Variants in TRPV4 observed in about 807,000 individuals in gnomAD.
The protein encoded by TRPV4 is transient receptor potential cation channel subfamily V member 4.
Under a neutral mutation model 84.1 loss-of-function variants are expected in TRPV4, and 58 were observed. The observed-to-expected ratio is 0.69, with a 90% CI of 0.56 to 0.86. The LOEUF (loss-of-function observed/expected upper bound fraction) is 0.86, where lower values mean the gene tolerates loss of function less well. TRPV4 is among the 40% of genes least tolerant of loss of function. The pLI is 0.00. For missense variants in TRPV4, 879 were observed against 1,181.1 expected, an observed-to-expected ratio of 0.74 and a Z score of 3.75; for synonymous variants, 489 against 500.9, an observed-to-expected ratio of 0.98 and a Z score of 0.32.
At position 109,796,727 on chromosome 12, in the gene TRPV4, C is replaced by A; in HGVS notation, c.1153-23G>T. ...GATCTGCACAGGGGGCCAGGAGGGT[C>A]AGGGGGCTCACACTGGAAAGACCCC... is the stretch of plus-strand genomic sequence containing the variant. On this transcript the variant is annotated intron_variant, in intron 6 of 15. Coordinates refer to ENST00000261740, the MANE Select transcript of TRPV4 (RefSeq NM_021625.5). This position sits in a 1 kb window ranked among gnomAD's most constrained non-coding sequence, Gnocchi z 4.2. The A allele has an allele frequency of 6.3e-7, 1 of 1,596,846 alleles. No individual in the cohort carries two copies. Among genetic ancestry groups the A allele is most frequent in the Non-Finnish European group, 8.5e-7 (1 of 1,169,652 alleles).
chr12:109,791,114 G>A (rs1173390820), intron 12 of TRPV4, among the ~76,000 whole-genome samples: 1 of 152,166 alleles, frequency 6.6e-6, no homozygotes, highest in African/African-American at 2.4e-5. Context: ...CTGGTACAGT[G>A]GCTCACGCCT....
rs751269956 is a variant in TRPV4 at position 109,794,437 on chromosome 12, G to A, written c.1383C>T (p.Asp461=). ...AVEPINELLR[D]KWRKFGAVSF... The stretch of plus-strand genomic sequence containing the variant: ...AGACGGCCCCGAACTTGCGCCACTT[G>A]TCCCGCAGCAGTTCATTGATGGGCT... The change falls in exon 8 of 16, where the codon GAC becomes GAT. Residue 461 remains aspartate (D), a synonymous_variant. Coordinates refer to ENST00000261740, the MANE Select transcript of TRPV4 (RefSeq NM_021625.5). 6.2e-7 allele frequency: 1 copy of A among 1,614,076 alleles called. No individual in the cohort carries two copies. The highest frequency in any genetic ancestry group is 1.1e-5 in the South Asian group (1 of 91,088).
chr12:109,811,053 G>T (rs1021608534), intron 2 of TRPV4, among the ~76,000 whole-genome samples: 2 of 152,088 alleles, frequency 1.3e-5, no homozygotes, highest in East Asian at 3.9e-4. Flanking sequence ...TTAGGCCCTT[G>T]CACTCACACT....
At chr12:109,802,293 C>CT (rs1890835805) in intron 4 of TRPV4, among the ~76,000 whole-genome samples, 1 of 149,626 alleles carries the variant, frequency 6.7e-6, no homozygotes, top group South Asian at 2.1e-4. Flanking sequence ...ACAAGCCTGG[C>CT]TTTTTTTGCA....
intron 13 of TRPV4, among the ~76,000 whole-genome samples, chr12:109,787,423 G>T (rs1276118794): frequency 1.3e-5 from 2 of 152,090 alleles, no homozygotes; most frequent in African/African-American, 2.4e-5. Context: ...TGGGCAACAT[G>T]GTGAAACCCC....
chr12:109,815,633 C>T lies in TRPV4; in HGVS notation c.-31-806G>A, dbSNP rs548384225. Reference sequence around the variant, plus strand: ...TGGAAAGCCCTCCCTGGCCTGCACACACTCGCTCCCAGGATCCATGCTCCT... The same window carrying T: ...TGGAAAGCCCTCCCTGGCCTGCACATACTCGCTCCCAGGATCCATGCTCCT... On this transcript the variant is annotated intron_variant, in intron 1 of 15. Transcript: ENST00000261740. The surrounding 1 kb of genome is among the most constrained non-coding windows in gnomAD (Gnocchi z 4.1). Among the ~76,000 whole-genome samples the T allele has an allele frequency of 6.6e-6, 1 of 152,338 alleles. No individual in the cohort carries two copies. The highest frequency in any genetic ancestry group is 2.1e-4 in the South Asian group (1 of 4,834).
intron 1 of TRPV4, among the ~76,000 whole-genome samples, chr12:109,823,281 C>T (rs1036578536): frequency 6.6e-6 from 1 of 152,228 alleles, no homozygotes. Context: ...CCCCAGTGTC[C>T]TGCTGGGCCC....
intron 2 of TRPV4, among the ~76,000 whole-genome samples, chr12:109,808,975 C>A (rs996276238): frequency 1.3e-5 from 2 of 151,036 alleles, no homozygotes; most frequent in Non-Finnish European, 3.0e-5. Context: ...ATCCATCTAC[C>A]CATCCACTCA....
chr12:109,829,396 T>C (rs1892350946), intron 1 of TRPV4, among the ~76,000 whole-genome samples: 2 of 152,168 alleles, frequency 1.3e-5, no homozygotes, highest in Admixed American at 1.3e-4. Flanking sequence ...TTTTTAAGCA[T>C]TAAATCAGGA....
chr12:109,830,012 C>T (rs1892368930), intron 1 of TRPV4, among the ~76,000 whole-genome samples: 1 of 152,228 alleles, frequency 6.6e-6, no homozygotes, highest in Admixed American at 6.5e-5. Flanking sequence ...GACAGAGTTT[C>T]ACCATGTTGC....
At chr12:109,828,225 A>G (rs756889546) in intron 1 of TRPV4, among the ~76,000 whole-genome samples, 3 of 152,188 alleles carry the variant, frequency 2.0e-5, no homozygotes, top group Non-Finnish European at 4.4e-5. Context: ...GAGACCGGCA[A>G]GGGCTTCCTG....
chr12:109,826,247 T>C (rs1390603010), intron 1 of TRPV4, among the ~76,000 whole-genome samples: 1 of 152,206 alleles, frequency 6.6e-6, no homozygotes, highest in Non-Finnish European at 1.5e-5. Flanking sequence ...TAGTCTCCAA[T>C]GCCCGGGCTC....
rs1389419414 is a variant in TRPV4, at chr12:109,815,075, G to A, written c.-31-248C>T. Among the ~76,000 whole-genome samples, 4 of 152,200 alleles carry A rather than the reference G, an allele frequency of 2.6e-5. No individual in the cohort carries two copies. The highest frequency in any genetic ancestry group is 5.9e-5 in the Non-Finnish European group (4 of 68,042). The stretch of plus-strand genomic sequence containing the variant: ...CCAGGTCCAACTACCCTGGGCATTA[G>A]CTGAAAGAGGGTGGACTTCAGGGTC... On this transcript the variant is annotated intron_variant, in intron 1 of 15. Transcript: ENST00000261740. The surrounding 1 kb of genome is among the most constrained non-coding windows in gnomAD (Gnocchi z 4.1).
rs140877617 is a variant in TRPV4, at chr12:109,813,492, T to G, written c.386+919A>C. Among the ~76,000 whole-genome samples the G allele has an allele frequency of 3.3e-3, 508 of 152,136 alleles. 1 individual carries two copies. The highest frequency in any genetic ancestry group is 4.5e-3 in the Non-Finnish European group (304 of 67,982). On this transcript the variant is annotated intron_variant, in intron 2 of 15. Transcript: ENST00000261740. ...ATAAATGAGTGGGTGGAAGGGTGAA[T>G]GGGTAAATGGGTAAATGGCTGAGTT...
rs182412928 is a variant in TRPV4 at position 109,816,099 on chromosome 12, G to A, written c.-31-1272C>T. 4.7e-4 allele frequency among the ~76,000 whole-genome samples: 71 copies of A among 152,310 alleles called. No homozygotes were observed. The East Asian group carries it at 0.01, about 22-fold the overall frequency. Reference sequence around the variant, plus strand: ...ACATCTCACCCTTCCCACCCAATACGCACGTAGAAAAACAAATAAACTAGT... The same window carrying A: ...ACATCTCACCCTTCCCACCCAATACACACGTAGAAAAACAAATAAACTAGT... On this transcript the variant is annotated intron_variant, in intron 1 of 15. Transcript: ENST00000261740.
At chr12:109,808,218 G>A in intron 3 of TRPV4, 78 bp downstream of exon 3, 1 of 1,551,340 alleles carries the variant, frequency 6.4e-7, no homozygotes, top group Non-Finnish European at 8.8e-7. Flanking sequence ...AGAAGCTGAG[G>A]GGAAAGGGGG....
At chr12:109,802,250 C>T (rs921032010) in intron 4 of TRPV4, among the ~76,000 whole-genome samples, 2 of 151,900 alleles carry the variant, frequency 1.3e-5, no homozygotes, top group African/African-American at 4.8e-5. Context: ...CCACCCCAGC[C>T]TCCCAAGTAG....
chr12:109,794,962 G>C (rs1009475976), intron 7 of TRPV4, among the ~76,000 whole-genome samples: 1 of 152,206 alleles, frequency 6.6e-6, no homozygotes, highest in South Asian at 2.1e-4. Flanking sequence ...AGATTGCAGT[G>C]AGCCTAGATC....
Position 109,788,739 on chromosome 12 carries a change from C to T in TRPV4, c.1892-23G>A, listed in dbSNP as rs368024589. The T allele has an allele frequency of 6.2e-6, 10 of 1,613,194 alleles. 1 individual carries two copies. The highest frequency in any genetic ancestry group is 4.0e-5 in the African/African-American group (3 of 74,908). On this transcript the variant is annotated intron_variant, in intron 12 of 15. Transcript: ENST00000261740. ...GGGCTGTGGGAGGATAGGGGTGGCA[C>T]TCACTGAGTGTGAGCACACCCACAG...
Sources: allele counts gnomAD v4.1 joint callset (sites outside exome capture counted in the v4.1 genomes callset), GRCh38; gene constraint gnomAD v4.1.1; non-coding constraint Gnocchi (gnomAD v3.1); transcripts MANE v1.5; gene names NCBI Gene and HGNC (gene_info 2026-07-23, HGNC 2026-07-21).